ZFAND3: variants seen among roughly 807,000 people sequenced by gnomAD.
ZFAND3 encodes the protein zinc finger AN1-type containing 3, also known as AN1-type zinc finger protein 3.
ZFAND3 carries 10 observed loss-of-function variants against 29.6 expected under a neutral mutation model. The ratio of observed to expected loss-of-function variants is 0.34; its 90% CI spans 0.21 to 0.57. The LOEUF (loss-of-function observed/expected upper bound fraction) is 0.57. Among genes scored for constraint, ZFAND3 ranks in the 20% least tolerant of loss-of-function variants. The pLI, the probability that ZFAND3 is intolerant of heterozygous loss-of-function variation, is 0.86. For synonymous variants in ZFAND3, 128 were observed against 112.6 expected (o/e 1.14, Z -0.87); for missense variants, 230 against 304.5 (o/e 0.76, Z 1.82).
At chr6:37,839,369 A>AC (rs1167290567) in intron 1 of ZFAND3, among the ~76,000 whole-genome samples, 4 of 151,320 alleles carry the variant, frequency 2.6e-5, no homozygotes, top group Non-Finnish European at 5.9e-5. Flanking sequence ...TTTAGTAGAG[A>AC]CGGGGTTTCA....
At chr6:38,058,769 A>G (rs1286042674) in intron 2 of ZFAND3, among the ~76,000 whole-genome samples, 1 of 152,188 alleles carries the variant, frequency 6.6e-6, no homozygotes, top group Non-Finnish European at 1.5e-5. Flanking sequence ...AAAATTACCT[A>G]AACTTTCTGA....
chr6:37,849,996 C>T (rs574492031), intron 1 of ZFAND3, among the ~76,000 whole-genome samples: 9 of 152,252 alleles, frequency 5.9e-5, no homozygotes, highest in East Asian at 5.8e-4. Flanking sequence ...CTGCTTGCTG[C>T]GGGTACCTAT....
At chr6:37,934,724 A>T (rs899523150) in intron 2 of ZFAND3, among the ~76,000 whole-genome samples, 4 of 149,950 alleles carry the variant, frequency 2.7e-5, no homozygotes, top group African/African-American at 9.8e-5. Flanking sequence ...CTGTAGTCCC[A>T]GCTACTCGGG....
intron 1 of ZFAND3, among the ~76,000 whole-genome samples, chr6:37,829,917 A>G (rs558630104): frequency 6.6e-6 from 1 of 152,354 alleles, no homozygotes; most frequent in South Asian, 2.1e-4. Context: ...ACTCTTGTAT[A>G]GTAGGATCTC....
intron 4 of ZFAND3, among the ~76,000 whole-genome samples, chr6:38,086,589 A>C (rs1414136765): frequency 6.6e-6 from 1 of 152,228 alleles, no homozygotes; most frequent in Non-Finnish European, 1.5e-5. Context: ...GAAAGAGATC[A>C]CTTTCCTTGG....
At chr6:37,888,802 T>TA (rs1392736055) in intron 1 of ZFAND3, among the ~76,000 whole-genome samples, 2 of 152,214 alleles carry the variant, frequency 1.3e-5, no homozygotes, top group Admixed American at 6.5e-5. Context: ...GAAAGTGGCC[T>TA]AAAAAATGCT....
intron 1 of ZFAND3, among the ~76,000 whole-genome samples, chr6:37,903,503 C>T (rs577459774): frequency 6.6e-6 from 1 of 152,330 alleles, no homozygotes; most frequent in East Asian, 1.9e-4. Flanking sequence ...TCTACTGTAT[C>T]ACCTTTCTTG....
chr6:37,860,637 GTTTTTTT>G (rs58902274), intron 1 of ZFAND3, among the ~76,000 whole-genome samples: 1 of 97,244 alleles, frequency 1.0e-5, no homozygotes, highest in Non-Finnish European at 2.1e-5. Context: ...TATTCACTTA[GTTTTTTT>G]TTTTTTTTTT....
At chr6:38,108,976 A>G (rs1171703267) in intron 4 of ZFAND3, among the ~76,000 whole-genome samples, 1 of 152,154 alleles carries the variant, frequency 6.6e-6, no homozygotes, top group African/African-American at 2.4e-5. Context: ...TTTTTAAAAT[A>G]AAAAGTTGGG....
intron 4 of ZFAND3, among the ~76,000 whole-genome samples, chr6:38,089,689 A>T (rs572907153): frequency 1.3e-5 from 2 of 152,220 alleles, no homozygotes; most frequent in Non-Finnish European, 2.9e-5. Flanking sequence ...TAATACCTAC[A>T]CTTGTGTGTT....
At chr6:37,925,196 C>G (rs1214866797) in intron 1 of ZFAND3, among the ~76,000 whole-genome samples, 3 of 152,136 alleles carry the variant, frequency 2.0e-5, no homozygotes, top group East Asian at 1.9e-4. Flanking sequence ...ATGACCATAG[C>G]TGCTATGTGG....
chr6:37,884,749 C>T (rs1181196459), intron 1 of ZFAND3, among the ~76,000 whole-genome samples: 39 of 116,722 alleles, frequency 3.3e-4, no homozygotes, highest in Non-Finnish European at 3.4e-5. Flanking sequence ...TCACTCAGAA[C>T]GCTTTTCTGA....
chr6:38,134,682 C>T (rs1265004538), intron 5 of ZFAND3, among the ~76,000 whole-genome samples: 1 of 152,170 alleles, frequency 6.6e-6, no homozygotes, highest in East Asian at 1.9e-4. Context: ...GTTTCTGCTT[C>T]TGGAAAGTGC....
At chr6:37,928,655 C>T (rs2127412102) in intron 1 of ZFAND3, among the ~76,000 whole-genome samples, 1 of 152,216 alleles carries the variant, frequency 6.6e-6, no homozygotes, top group South Asian at 2.1e-4. Flanking sequence ...CAAGTAGCTA[C>T]AGACGTGTGC....
intron 1 of ZFAND3, among the ~76,000 whole-genome samples, chr6:37,860,248 T>C (rs139603997): frequency 1.3e-5 from 2 of 151,036 alleles, no homozygotes; most frequent in African/African-American, 4.9e-5. Context: ...GGCAGTTTTA[T>C]GGAGTACTTA....
intron 5 of ZFAND3, among the ~76,000 whole-genome samples, chr6:38,129,471 C>G (rs1765702007): frequency 2.0e-5 from 3 of 152,126 alleles, no homozygotes; most frequent in African/African-American, 7.2e-5. Flanking sequence ...AGATTTAAGT[C>G]TTTAACCCAT....
intron 1 of ZFAND3, among the ~76,000 whole-genome samples, chr6:37,854,191 T>TC (rs1311569625): frequency 1.3e-5 from 2 of 152,302 alleles, no homozygotes; most frequent in African/African-American, 4.8e-5. Context: ...CCTCAGGTGA[T>TC]CCGCCTGCCT....
intron 2 of ZFAND3, among the ~76,000 whole-genome samples, chr6:37,947,852 T>C (rs1243330492): frequency 1.3e-5 from 2 of 152,200 alleles, no homozygotes; most frequent in Non-Finnish European, 2.9e-5. Flanking sequence ...TACTTTTTTA[T>C]GGGTATATAA....
intron 5 of ZFAND3, among the ~76,000 whole-genome samples, chr6:38,120,265 A>G (rs897898774): frequency 6.8e-6 from 1 of 147,418 alleles, no homozygotes; most frequent in African/African-American, 2.5e-5. Flanking sequence ...CGTCACAGCC[A>G]CAAGAATGCC....
Sources: gnomAD v4.1 joint callset for allele counts (sites outside exome capture counted in the v4.1 genomes callset) on GRCh38, gnomAD v4.1.1 for gene constraint, MANE v1.5 for transcripts, NCBI Gene and HGNC (gene_info 2026-07-23, HGNC 2026-07-21) for gene names.